The following AK5 variants were observed in gnomAD, a reference collection of about 807,000 sequenced individuals.
AK5 encodes the protein adenylate kinase isoenzyme 5.
Under a neutral mutation model 69.5 loss-of-function variants are expected in AK5, and 27 were observed. The observed-to-expected ratio is 0.39, with a 90% CI of 0.29 to 0.54. The LOEUF is 0.54. Among genes scored for constraint, AK5 ranks in the 20% least tolerant of loss-of-function variants. The pLI is 0.71. For synonymous variants in AK5, 260 were observed against 244.4 expected (o/e 1.06, Z -0.60); for missense variants, 531 against 700.4 (o/e 0.76, Z 2.73).
chr1:77,428,863 T>C (rs1229346685), intron 8 of AK5, among the ~76,000 whole-genome samples: 1 of 152,208 alleles, frequency 6.6e-6, no homozygotes, highest in Non-Finnish European at 1.5e-5. Flanking sequence ...GTTTGGTTTT[T>C]TGTCCTTGCG....
chr1:77,453,619 A>G (rs1653295451), intron 8 of AK5, among the ~76,000 whole-genome samples: 1 of 152,162 alleles, frequency 6.6e-6, no homozygotes, highest in South Asian at 2.1e-4. Context: ...GAGTTTTTCT[A>G]TAATAAACAG....
chr1:77,455,973 T>A (rs1277587331), intron 8 of AK5, among the ~76,000 whole-genome samples: 1 of 152,214 alleles, frequency 6.6e-6, no homozygotes, highest in Non-Finnish European at 1.5e-5. Context: ...TAAGAAAGTA[T>A]GATTTTTAAA....
intron 10 of AK5, among the ~76,000 whole-genome samples, chr1:77,499,854 A>G: frequency 7.5e-6 from 1 of 133,808 alleles, no homozygotes; most frequent in Non-Finnish European, 1.6e-5. Flanking sequence ...GATGACAGAG[A>G]CCATGCCCTT....
chr1:77,530,817 C>T (rs1658531543), intron 12 of AK5, among the ~76,000 whole-genome samples: 1 of 152,036 alleles, frequency 6.6e-6, no homozygotes, highest in African/African-American at 2.4e-5. Flanking sequence ...CACTGGTAAA[C>T]GTGGCCTAAC....
At chr1:77,377,202 A>G (rs1431749703) in intron 6 of AK5, among the ~76,000 whole-genome samples, 1 of 152,168 alleles carries the variant, frequency 6.6e-6, no homozygotes, top group Non-Finnish European at 1.5e-5. Flanking sequence ...ACTCCCTGTC[A>G]GTGGGGTCCT....
intron 6 of AK5, 181 bp downstream of exon 6, chr1:77,340,749 T>A (rs1449138386): frequency 9.0e-6 from 4 of 446,600 alleles, no homozygotes; most frequent in African/African-American, 2.0e-5. Context: ...CATGTTTTTT[T>A]AAAAAAACTT....
chr1:77,322,278 CT>C (rs1239235779), intron 5 of AK5, among the ~76,000 whole-genome samples: 1 of 150,972 alleles, frequency 6.6e-6, no homozygotes, highest in Non-Finnish European at 1.5e-5. Flanking sequence ...TTTTTTTCTT[CT>C]TTTTTTTTCT....
chr1:77,429,363 C>T (rs1448108887), intron 8 of AK5, among the ~76,000 whole-genome samples: 1 of 152,174 alleles, frequency 6.6e-6, no homozygotes, highest in Non-Finnish European at 1.5e-5. Flanking sequence ...TGATGATGAG[C>T]ACTTTTTCAT....
chr1:77,417,773 A>G (rs41301251), intron 8 of AK5, 58 bp downstream of exon 8: 106 of 1,079,422 alleles, frequency 9.8e-5, no homozygotes, highest in Non-Finnish European at 1.4e-4. Flanking sequence ...AACCTTTGTA[A>G]ATGTTTTATG....
chr1:77,554,504 C>A (rs773156964), intron 13 of AK5, among the ~76,000 whole-genome samples: 25 of 152,212 alleles, frequency 1.6e-4, no homozygotes, highest in Non-Finnish European at 2.9e-4. Flanking sequence ...CCTGTCAAGT[C>A]CTGAAGCACA....
At chr1:77,466,291 C>T (rs1259083361) in intron 8 of AK5, among the ~76,000 whole-genome samples, 1 of 152,174 alleles carries the variant, frequency 6.6e-6, no homozygotes, top group Non-Finnish European at 1.5e-5. Flanking sequence ...AGAGTCCACT[C>T]CTCAGCCCAA....
intron 8 of AK5, among the ~76,000 whole-genome samples, chr1:77,451,032 C>G (rs1653112341): frequency 6.6e-6 from 1 of 151,806 alleles, no homozygotes. Flanking sequence ...TTTAATTAGC[C>G]AGGCATGATG....
At chr1:77,531,222 C>G (rs1658561040) in intron 12 of AK5, among the ~76,000 whole-genome samples, 1 of 152,172 alleles carries the variant, frequency 6.6e-6, no homozygotes, top group Admixed American at 6.5e-5. Context: ...AGTGTTACAG[C>G]TCATAAAGGC....
chr1:77,428,853 G>T (rs1417983644), intron 8 of AK5, among the ~76,000 whole-genome samples: 2 of 152,020 alleles, frequency 1.3e-5, no homozygotes, highest in Non-Finnish European at 2.9e-5. Flanking sequence ...AACATGCGGT[G>T]TTTGGTTTTT....
At chr1:77,525,759 A>G (rs1011712868) in intron 12 of AK5, among the ~76,000 whole-genome samples, 1 of 152,140 alleles carries the variant, frequency 6.6e-6, no homozygotes, top group Non-Finnish European at 1.5e-5. Context: ...TCATTTGACC[A>G]TATATATGTG....
chr1:77,296,823 G>A (rs1015506577), intron 3 of AK5, among the ~76,000 whole-genome samples: 3 of 152,166 alleles, frequency 2.0e-5, no homozygotes, highest in Non-Finnish European at 4.4e-5. Context: ...ATATGACAAA[G>A]AGATAGAGAT....
At chr1:77,393,587 C>T (rs1006699160) in intron 6 of AK5, among the ~76,000 whole-genome samples, 1 of 152,156 alleles carries the variant, frequency 6.6e-6, no homozygotes, top group African/African-American at 2.4e-5. Context: ...TTCCAGAAAA[C>T]GTGATTCTAC....
intron 6 of AK5, among the ~76,000 whole-genome samples, chr1:77,398,659 A>G (rs1020950261): frequency 4.6e-5 from 7 of 152,160 alleles, no homozygotes; most frequent in Non-Finnish European, 7.3e-5. Context: ...GCACAGTGTA[A>G]TTCTTGTCTA....
intron 6 of AK5, among the ~76,000 whole-genome samples, chr1:77,369,624 C>G (rs892758308): frequency 6.6e-6 from 1 of 151,538 alleles, no homozygotes; most frequent in African/African-American, 2.4e-5. Flanking sequence ...TTATATAATC[C>G]GAAGATAAAA....
Sources: gnomAD v4.1 joint callset for allele counts (sites outside exome capture counted in the v4.1 genomes callset) on GRCh38, gnomAD v4.1.1 for gene constraint, MANE v1.5 for transcripts, NCBI Gene and HGNC (gene_info 2026-07-23, HGNC 2026-07-21) for gene names.